Variants in TENM2 observed in about 807,000 individuals in gnomAD.
TENM2 encodes the protein teneurin transmembrane protein 2.
Under a neutral mutation model 245.2 loss-of-function variants are expected in TENM2, and 52 were observed. The observed-to-expected ratio is 0.21, with a 90% confidence interval of 0.17 to 0.27. The LOEUF is 0.27. TENM2 is among the 10% of genes least tolerant of loss of function. The pLI, the probability that TENM2 is intolerant of heterozygous loss-of-function variation, is 1.00. For missense variants in TENM2, 3,046 were observed against 3,666.8 expected, an observed-to-expected ratio of 0.83 and a Z score of 4.37; for synonymous variants, 1,363 against 1,438.9, an observed-to-expected ratio of 0.95 and a Z score of 1.19.
At chr5:167,574,614 A>G (rs1774517086) in intron 2 of TENM2, among the ~76,000 whole-genome samples, 1 of 152,208 alleles carries the variant, frequency 6.6e-6, no homozygotes, top group Non-Finnish European at 1.5e-5. Context: ...ATATGAAGTT[A>G]AAACATCAGG....
intron 2 of TENM2, among the ~76,000 whole-genome samples, chr5:167,866,285 G>A (rs971799499): frequency 3.3e-5 from 5 of 152,142 alleles, no homozygotes; most frequent in African/African-American, 1.2e-4. Context: ...GCTCACCTGA[G>A]GTCAGGAGTT....
chr5:167,694,595 C>T (rs1006294901), intron 2 of TENM2, among the ~76,000 whole-genome samples: 10 of 152,078 alleles, frequency 6.6e-5, no homozygotes, highest in African/African-American at 2.4e-4. Context: ...TCTTTGCTTC[C>T]TTAGTATGTT....
intron 2 of TENM2, among the ~76,000 whole-genome samples, chr5:167,594,109 A>G (rs1776048670): frequency 1.3e-5 from 2 of 152,214 alleles, no homozygotes; most frequent in African/African-American, 4.8e-5. Context: ...ATTTAAAAAT[A>G]TACAGTATTT....
intron 2 of TENM2, among the ~76,000 whole-genome samples, chr5:167,405,555 A>G (rs879839006): frequency 6.6e-6 from 1 of 151,938 alleles, no homozygotes; most frequent in Non-Finnish European, 1.5e-5. Flanking sequence ...AATCTGGGTA[A>G]TGCCGGGCTC....
At chr5:167,202,186 C>T in the TENM2 span, among the ~76,000 whole-genome samples, 1 of 152,184 alleles carries the variant, frequency 6.6e-6, no homozygotes, top group Admixed American at 6.5e-5. Flanking sequence ...TAAATTTCCT[C>T]TCTCTATGCA....
At chr5:167,480,901 AG>A (rs1231473874) in intron 2 of TENM2, among the ~76,000 whole-genome samples, 2 of 152,206 alleles carry the variant, frequency 1.3e-5, no homozygotes, top group Non-Finnish European at 2.9e-5. Flanking sequence ...ATTTCTTAAA[AG>A]GTTAATATAA....
chr5:167,530,851 G>T (rs1562030909), intron 2 of TENM2, among the ~76,000 whole-genome samples: 1 of 152,184 alleles, frequency 6.6e-6, no homozygotes, highest in East Asian at 1.9e-4. Flanking sequence ...CGTCGCAAAT[G>T]GAAGTAATAT....
chr5:168,057,077 A>G (rs1329813848), intron 6 of TENM2, among the ~76,000 whole-genome samples: 1 of 152,172 alleles, frequency 6.6e-6, no homozygotes, highest in East Asian at 1.9e-4. Flanking sequence ...AAAAAAATCT[A>G]TATATGTACA....
chr5:167,116,968 C>T, the TENM2 span, among the ~76,000 whole-genome samples: 3 of 152,158 alleles, frequency 2.0e-5, no homozygotes, highest in African/African-American at 7.2e-5. Context: ...AATCAGTTTT[C>T]GTTATTCAAA....
chr5:167,477,437 TG>T (rs58501240), intron 2 of TENM2, among the ~76,000 whole-genome samples: 102,054 of 151,772 alleles, frequency 0.67, 35,171 homozygotes, highest in Non-Finnish European at 0.75. Context: ...TGTTGGCGGG[TG>T]GGGGGGGAGG....
At chr5:168,263,496 A>G (rs1450692070), downstream of TENM2, 1 of 152,630 alleles carries the variant, frequency 6.6e-6, no homozygotes, top group African/African-American at 2.4e-5. Flanking sequence ...AAAAAAAAAC[A>G]TGAGGGAATA....
At chr5:168,074,635 A>G (rs2152140411) in intron 7 of TENM2, among the ~76,000 whole-genome samples, 1 of 152,244 alleles carries the variant, frequency 6.6e-6, no homozygotes, top group Admixed American at 6.5e-5. Context: ...GTCCCTCTGC[A>G]GTCTGGTTAA....
chr5:167,906,519 A>G (rs1335604414), intron 3 of TENM2, among the ~76,000 whole-genome samples: 1 of 152,128 alleles, frequency 6.6e-6, no homozygotes. Context: ...TTCTTTGACA[A>G]AACTACTCAA....
Position 168,218,841 on chromosome 5 carries a change from C to T in TENM2, c.4950C>T (p.Leu1650=). 6.2e-7 allele frequency: 1 copy of T among 1,614,016 alleles called. No individual in the cohort carries two copies. Among genetic ancestry groups the T allele is most frequent in the Middle Eastern group, 1.6e-4 (1 of 6,062 alleles). Residue 1650 remains leucine (L), a synonymous_variant, in exon 23 of 29, where the codon CTC becomes CTT. Coordinates refer to ENST00000518659, the Ensembl canonical transcript of TENM2. The surrounding 1 kb of genome is among the most constrained non-coding windows in gnomAD (Gnocchi z 5.2). The stretch of plus-strand genomic sequence containing the variant: ...GCAGTGGCATGCCCCGTCACCTGCT[C>T]ATGCCTGACAACCAGATCATCACCC...
Position 168,125,059 on chromosome 5 carries a change from C to T in TENM2, c.2209+9C>T. The T allele has an allele frequency of 1.2e-6, 2 of 1,600,408 alleles. No individual in the cohort carries two copies. Among genetic ancestry groups the T allele is most frequent in the Non-Finnish European group, 1.7e-6 (2 of 1,173,948 alleles). ...TCCCGACTGCTCTGTTGGTAAGCCA[C>T]AAGGTTTTCTCCTTCCTCTCTCCAA... On this transcript the variant is annotated intron_variant, in intron 11 of 28. Coordinates refer to ENST00000518659, the Ensembl canonical transcript of TENM2.
At chr5:168,139,985 A>G (rs1323309730) in intron 12 of TENM2, among the ~76,000 whole-genome samples, 1 of 152,234 alleles carries the variant, frequency 6.6e-6, no homozygotes, top group Non-Finnish European at 1.5e-5. Flanking sequence ...TGGGGGCCAA[A>G]TGGACCACCC....
intron 1 of TENM2, among the ~76,000 whole-genome samples, chr5:167,331,539 A>G (rs780219996): frequency 2.6e-5 from 4 of 152,226 alleles, no homozygotes; most frequent in Admixed American, 1.3e-4. Flanking sequence ...ATGAATTTAC[A>G]ATGTAGGATA....
At chr5:167,842,347 G>A (rs1769604852) in intron 2 of TENM2, among the ~76,000 whole-genome samples, 1 of 152,098 alleles carries the variant, frequency 6.6e-6, no homozygotes, top group South Asian at 2.1e-4. Context: ...CCAGCACTTT[G>A]GGAGGCTGAG....
the TENM2 span, among the ~76,000 whole-genome samples, chr5:167,253,035 A>G: frequency 6.6e-6 from 1 of 152,056 alleles, no homozygotes; most frequent in Non-Finnish European, 1.5e-5. Context: ...TCAAATAGAC[A>G]TTGCTTTGTG....
Sources: allele counts gnomAD v4.1 joint callset (sites outside exome capture counted in the v4.1 genomes callset), GRCh38; gene constraint gnomAD v4.1.1; non-coding constraint Gnocchi (gnomAD v3.1); transcripts MANE v1.5; gene names NCBI Gene and HGNC (gene_info 2026-07-23, HGNC 2026-07-21).